The following NID1 variants were observed in gnomAD, a reference collection of about 807,000 sequenced individuals.
NID1 encodes nidogen 1.
Under a neutral mutation model 130.6 loss-of-function variants are expected in NID1, and 76 were observed. The observed-to-expected ratio is 0.58, with a 90% CI of 0.48 to 0.70. The LOEUF is 0.70. NID1 is among the 30% of genes least tolerant of loss of function. NID1 has a pLI of 0.00. For missense variants in NID1, 1,517 were observed against 1,664.8 expected, an observed-to-expected ratio of 0.91 and a Z score of 1.54; for synonymous variants, 665 against 675.1, an observed-to-expected ratio of 0.98 and a Z score of 0.23.
chr1:236,001,106 ATTTTTTT>A (rs11352607), intron 12 of NID1, among the ~76,000 whole-genome samples: 4 of 135,154 alleles, frequency 3.0e-5, no homozygotes, highest in South Asian at 4.7e-4. Flanking sequence ...TGGCTTTGAG[ATTTTTTT>A]TTTTTTTTTT....
intron 1 of NID1, among the ~76,000 whole-genome samples, chr1:236,049,632 A>G (rs1659704858): frequency 6.6e-6 from 1 of 152,236 alleles, no homozygotes; most frequent in Non-Finnish European, 1.5e-5. Context: ...GCATTATGGT[A>G]TCACTAATTA....
chr1:236,042,431 C>T, intron 3 of NID1, 139 bp from the exon 4 acceptor site: 1 of 1,117,986 alleles, frequency 8.9e-7, no homozygotes, highest in Non-Finnish European at 1.3e-6. Context: ...TGGAAGGGCA[C>T]TGGCCGTCAT....
chr1:236,002,541 C>T (rs960315077), intron 12 of NID1, among the ~76,000 whole-genome samples: 6 of 147,758 alleles, frequency 4.1e-5, no homozygotes, highest in Admixed American at 6.7e-5. Context: ...CAAAAAATGA[C>T]GATAAATCTG....
In NID1 at chr1:236,003,191, AGTTGTCACTCCTAGTGAACGACCG is replaced by A. The variant is rs1192144577; in HGVS notation, c.2527+8706_2527+8729del. Among the ~76,000 whole-genome samples, 1,011 of 109,674 alleles carry A rather than the reference AGTTGTCACTCCTAGTGAACGACCG, an allele frequency of 9.2e-3. 82 individuals are homozygous for A. The highest frequency in any genetic ancestry group is 0.025 in the South Asian group (61 of 2,400). 72.0% of individuals were successfully genotyped at this position (109,674 alleles called of 152,430 possible). ...TTGTCACTCCTAGTGAACGACTGGTAGTTGTCACTCCTAGTGAACGACCGGTAGTTATTCACTACTAATTTCAAG... is the reference window on the plus strand; with the variant it reads ...TTGTCACTCCTAGTGAACGACTGGTAGTAGTTATTCACTACTAATTTCAAG... On this transcript the variant is annotated intron_variant, in intron 12 of 19. Transcript: ENST00000264187.
intron 1 of NID1, among the ~76,000 whole-genome samples, chr1:236,064,127 G>T (rs1430405774): frequency 1.3e-5 from 2 of 152,160 alleles, no homozygotes; most frequent in African/African-American, 4.8e-5. Context: ...GGAAGGCAGC[G>T]GCACGAAAGG....
At chr1:236,009,745 C>G (rs1658355715) in intron 12 of NID1, among the ~76,000 whole-genome samples, 1 of 152,204 alleles carries the variant, frequency 6.6e-6, no homozygotes, top group Non-Finnish European at 1.5e-5. Flanking sequence ...TACCAACAGT[C>G]ATCTGTTTGT....
chr1:236,025,110 C>G (rs148003595), intron 8 of NID1, among the ~76,000 whole-genome samples: 3,699 of 151,900 alleles, frequency 0.024, 127 homozygotes, highest in African/African-American at 0.083. Context: ...CACCACCACA[C>G]CCAGCTAAAT....
chr1:236,058,868 A>C (rs1165627889), intron 1 of NID1, among the ~76,000 whole-genome samples: 1 of 152,216 alleles, frequency 6.6e-6, no homozygotes, highest in East Asian at 1.9e-4. Context: ...TGTACTGAGA[A>C]GACAGTGAGA....
intron 13 of NID1, among the ~76,000 whole-genome samples, chr1:235,992,156 C>T (rs1657767402): frequency 6.6e-6 from 1 of 152,202 alleles, no homozygotes; most frequent in African/African-American, 2.4e-5. Context: ...GTGCACAGGG[C>T]ATGCATCTTC....
intron 9 of NID1, among the ~76,000 whole-genome samples, chr1:236,017,797 C>T (rs1334509874): frequency 6.6e-6 from 1 of 152,174 alleles, no homozygotes; most frequent in Non-Finnish European, 1.5e-5. Flanking sequence ...CTTCCCCCAC[C>T]TCTCCTAGAG....
At position 236,042,095 on chromosome 1, in the gene NID1, G is replaced by A. The variant is rs1291024027; in HGVS notation, c.950C>T (p.Ala317Val). ...TGTGTCAGCACCTCCCCTTCTCAGA[G>A]CCTTGTAGGAGAAGGGCGTGGTGCC... is the stretch of plus-strand genomic sequence containing the variant. ...DVGTTPFSYK[A>V]LRRGGADTYS... The change falls in exon 4 of 20, where the codon GCT becomes GTT. Residue 317 changes from alanine to valine, a missense_variant. Around this residue, in one of 3 missense-constraint regions of NID1, gnomAD observed 1,329 missense variants for 1,429.2 expected, o/e 0.93. Coordinates refer to ENST00000264187, the MANE Select transcript of NID1 (RefSeq NM_002508.3). 1 of 1,614,046 alleles carries A rather than the reference G, an allele frequency of 6.2e-7. No homozygotes were observed. The highest frequency in any genetic ancestry group is 1.7e-5 in the Admixed American group (1 of 59,998).
At chr1:235,985,776 A>AT (rs1417948915) in intron 14 of NID1, among the ~76,000 whole-genome samples, 3 of 150,690 alleles carry the variant, frequency 2.0e-5, no homozygotes, top group Non-Finnish European at 4.4e-5. Flanking sequence ...ATAAATATGT[A>AT]TTTTTTGAGA....
chr1:235,983,680 C>G (rs1657499321), intron 15 of NID1, among the ~76,000 whole-genome samples: 1 of 152,324 alleles, frequency 6.6e-6, no homozygotes, highest in Non-Finnish European at 1.5e-5. Context: ...GAGCAACCAA[C>G]CCCCTCTCCC....
At chr1:236,040,775 G>A (rs1480506195) in intron 4 of NID1, among the ~76,000 whole-genome samples, 1 of 149,692 alleles carries the variant, frequency 6.7e-6, no homozygotes, top group African/African-American at 2.5e-5. Context: ...GCGATTCTCT[G>A]GCCTCAGCCT....
intron 10 of NID1, among the ~76,000 whole-genome samples, chr1:236,015,699 G>A (rs907893171): frequency 1.3e-5 from 2 of 148,690 alleles, no homozygotes; most frequent in African/African-American, 5.0e-5. Context: ...GAGGACAAGA[G>A]CCTGCCCACA....
At chr1:236,048,594 T>C in intron 2 of NID1, 96 bp downstream of exon 2, 2 of 1,338,398 alleles carry the variant, frequency 1.5e-6, no homozygotes, top group Non-Finnish European at 2.0e-6. Flanking sequence ...TTATCAATGG[T>C]GTATAACTTA....
intron 5 of NID1, among the ~76,000 whole-genome samples, chr1:236,034,764 G>C (rs555632371): frequency 6.6e-6 from 1 of 152,184 alleles, no homozygotes; most frequent in South Asian, 2.1e-4. Flanking sequence ...CCACCAAATT[G>C]TATACTTTAA....
intron 12 of NID1, among the ~76,000 whole-genome samples, chr1:236,010,243 C>T (rs533792627): frequency 2.7e-5 from 4 of 150,758 alleles, no homozygotes; most frequent in Non-Finnish European, 5.9e-5. Context: ...CTAGGTTTAT[C>T]GAAGCCAGGA....
chr1:236,034,973 C>CTTTTTTT (rs11371749), intron 5 of NID1, among the ~76,000 whole-genome samples: 1 of 131,670 alleles, frequency 7.6e-6, no homozygotes, highest in African/African-American at 2.9e-5. Flanking sequence ...GCAGAGTTTT[C>CTTTTTTT]TTTTTTTTTT....
Sources: gnomAD v4.1 joint callset for allele counts (sites outside exome capture counted in the v4.1 genomes callset) on GRCh38, gnomAD v4.1.1 for gene constraint, gnomAD v4.1.1 regional missense constraint, MANE v1.5 for transcripts, NCBI Gene and HGNC (gene_info 2026-07-23, HGNC 2026-07-21) for gene names.